CUL5: variants seen among roughly 807,000 people sequenced by gnomAD.
CUL5 encodes the protein cullin 5, also known as cullin-5.
A neutral mutation model predicts 108.8 loss-of-function variants in CUL5; 26 were observed. The ratio of observed to expected loss-of-function variants is 0.24; its 90% confidence interval spans 0.18 to 0.33. The LOEUF (loss-of-function observed/expected upper bound fraction) is 0.33, where lower values mean the gene tolerates loss of function less well. Among genes scored for constraint, CUL5 ranks in the 10% least tolerant of loss-of-function variants. The pLI, the probability that CUL5 is intolerant of heterozygous loss-of-function variation, is 1.00. For synonymous variants in CUL5, 334 were observed against 298.0 expected, an observed-to-expected ratio of 1.12 and a Z score of -1.25; for missense variants, 524 against 909.2, an observed-to-expected ratio of 0.58 and a Z score of 5.45.
chr11:108,067,474 TATGAA>T (rs67606910), intron 7 of CUL5, among the ~76,000 whole-genome samples: 86,687 of 151,394 alleles, frequency 0.57, 26,921 homozygotes, highest in East Asian at 0.9. Flanking sequence ...ACAAAAGTCT[TATGAA>T]ATAATATTCA....
intron 1 of CUL5, among the ~76,000 whole-genome samples, chr11:108,019,500 G>A (rs927313060): frequency 1.3e-5 from 2 of 152,138 alleles, no homozygotes; most frequent in Non-Finnish European, 2.9e-5. Context: ...GTCAACAACG[G>A]ATCACATATA....
intron 1 of CUL5, among the ~76,000 whole-genome samples, chr11:108,029,674 T>C (rs1862530180): frequency 6.6e-6 from 1 of 152,244 alleles, no homozygotes; most frequent in Admixed American, 6.5e-5. Flanking sequence ...TTTTGGAATC[T>C]ATTATAAAAG....
chr11:108,075,735 A>G (rs1026479148), intron 10 of CUL5, among the ~76,000 whole-genome samples: 1 of 152,048 alleles, frequency 6.6e-6, no homozygotes, highest in Non-Finnish European at 1.5e-5. Context: ...GACAACATCT[A>G]GCTATGTTGT....
chr11:108,015,730 A>G (rs1038852911), intron 1 of CUL5, among the ~76,000 whole-genome samples: 21 of 152,360 alleles, frequency 1.4e-4, no homozygotes, highest in African/African-American at 4.6e-4. Flanking sequence ...TTCATGTTCT[A>G]TGAAAATAAA....
At chr11:108,102,837 T>C (rs1272962952) in intron 18 of CUL5, among the ~76,000 whole-genome samples, 1 of 152,156 alleles carries the variant, frequency 6.6e-6, no homozygotes, top group African/African-American at 2.4e-5. Flanking sequence ...AGACAGGGTC[T>C]CAGGCTGTGG....
At chr11:108,041,461 G>A (rs576856835) in intron 2 of CUL5, among the ~76,000 whole-genome samples, 6 of 151,130 alleles carry the variant, frequency 4.0e-5, no homozygotes, top group African/African-American at 1.5e-4. Context: ...ATTTTTGGTA[G>A]AGACGGGGTT....
Position 108,048,648 on chromosome 11 carries a change from C to CTTTTTTTTTT in CUL5, c.235-1215_235-1206dup, listed in dbSNP as rs200991204. Among the ~76,000 whole-genome samples, 67 of 116,848 alleles carry CTTTTTTTTTT rather than the reference C, an allele frequency of 5.7e-4. 6 individuals are homozygous for CTTTTTTTTTT. The highest frequency in any genetic ancestry group is 2.1e-3 in the African/African-American group (54 of 25,840). The allele number at this position is 116,848 out of a possible 152,430, so 76.7% of individuals were successfully genotyped here. A position where few individuals can be genotyped will look rare whatever the true frequency, so the allele number is the denominator to read the frequency against. ...ATAGTGGGGAAATAGACTCCACCAC[C>CTTTTTTTTTT]TTTTTTTTTTTTTTTTTTTTTTTTT... On this transcript the variant is annotated intron_variant, in intron 3 of 18. Coordinates refer to ENST00000393094, the MANE Select transcript of CUL5 (RefSeq NM_003478.6).
chr11:108,062,483 G>T (rs1292422796), intron 7 of CUL5, among the ~76,000 whole-genome samples: 2 of 149,876 alleles, frequency 1.3e-5, no homozygotes, highest in Non-Finnish European at 3.0e-5. Flanking sequence ...TATTTTTTGT[G>T]TGCATTTAAA....
chr11:108,099,979 C>T (rs949931686), intron 18 of CUL5, among the ~76,000 whole-genome samples: 1 of 151,540 alleles, frequency 6.6e-6, no homozygotes, highest in Non-Finnish European at 1.5e-5. Flanking sequence ...CAGGCACATG[C>T]CACGGCACCT....
intron 13 of CUL5, among the ~76,000 whole-genome samples, chr11:108,092,594 C>T (rs1864387191): frequency 6.6e-6 from 1 of 152,078 alleles, no homozygotes; most frequent in African/African-American, 2.4e-5. Flanking sequence ...GAAGCCAATC[C>T]CAAAGACCAT....
intron 2 of CUL5, among the ~76,000 whole-genome samples, chr11:108,035,055 A>T (rs905273963): frequency 3.1e-4 from 47 of 152,136 alleles, no homozygotes; most frequent in African/African-American, 9.9e-4. Flanking sequence ...GTGTACCAGG[A>T]GGGGTGACAG....
chr11:108,046,164 T>A (rs542185702), intron 2 of CUL5, 106 bp from the exon 3 acceptor site: 1 of 657,666 alleles, frequency 1.5e-6, no homozygotes, highest in Non-Finnish European at 2.5e-6. Context: ...CACCATTTAC[T>A]TGGTTCTAAT....
intron 1 of CUL5, among the ~76,000 whole-genome samples, chr11:108,030,870 C>A (rs1862563475): frequency 6.6e-6 from 1 of 152,078 alleles, no homozygotes; most frequent in African/African-American, 2.4e-5. Flanking sequence ...TCAAGAGATT[C>A]CGATCCAGTA....
rs766345643 is a variant in CUL5 at position 108,033,884 on chromosome 11, C to G, written c.107C>G (p.Thr36Arg). The change falls in exon 2 of 19, where the codon ACA (threonine) becomes AGA (arginine). Residue 36 changes from threonine (T) to arginine (R), a missense_variant. Physicochemically the swap from Thr to Arg is moderately conservative, Grantham distance 71. Around this residue, in one of 8 missense-constraint regions of CUL5, gnomAD observed 76 missense variants for 90.8 expected, o/e 0.84. Transcript: ENST00000393094. ...VLKLLRQESV[T>R]KQQWFDLFSD... ...AAGCTTTTACGCCAGGAATCTGTTA[C>G]AAAACAGCAGTGGTTTGATCTGTTT... 3 of 1,612,442 alleles carry G rather than the reference C, an allele frequency of 1.9e-6. No homozygotes were observed. The highest frequency in any genetic ancestry group is 2.5e-6 in the Non-Finnish European group (3 of 1,178,926).
At position 108,009,232 on chromosome 11, in the gene CUL5, A is replaced by C; in HGVS notation, c.-117A>C. 9.1e-7 allele frequency: 1 copy of C among 1,097,034 alleles called. No homozygotes were observed. Among genetic ancestry groups the C allele is most frequent in the South Asian group, 1.4e-5 (1 of 73,886 alleles). The allele number at this position is 1,097,034 out of a possible 1,614,324, so 68.0% of individuals were successfully genotyped here. A position where few individuals can be genotyped will look rare whatever the true frequency, so the allele number is the denominator to read the frequency against. On this transcript the variant is annotated 5_prime_UTR_variant, in exon 1 of 19. Coordinates refer to ENST00000393094, the MANE Select transcript of CUL5 (RefSeq NM_003478.6). The stretch of plus-strand genomic sequence containing the variant: ...GGCGCGCTGCTCCAGCGCCCACCAC[A>C]CCCTGGTGCGGGCCGACGGGCCCTG...
rs1460395812 is a variant in CUL5 at position 108,106,014 on chromosome 11, A to G, written c.*1630A>G. ...GCCAAATGCCTGTTCTGAAACTTAT[A>G]GGAAATTGGAATTTTGTTTAAAATT... On this transcript the variant is annotated 3_prime_UTR_variant, in exon 19 of 19. Coordinates refer to ENST00000393094, the MANE Select transcript of CUL5 (RefSeq NM_003478.6). 1 of 152,170 alleles carries G rather than the reference A, an allele frequency of 6.6e-6. No individual in the cohort carries two copies. Among genetic ancestry groups the G allele is most frequent in the Non-Finnish European group, 1.5e-5 (1 of 68,000 alleles). 9.4% of individuals were successfully genotyped at this position (152,170 alleles called of 1,614,324 possible).
intron 1 of CUL5, among the ~76,000 whole-genome samples, chr11:108,028,944 C>G (rs1426376134): frequency 6.6e-6 from 1 of 152,222 alleles, no homozygotes; most frequent in Non-Finnish European, 1.5e-5. Context: ...CCTACAAGAT[C>G]CAGCTCAGTA....
chr11:108,099,485 G>A (rs1311670986), intron 18 of CUL5, among the ~76,000 whole-genome samples: 1 of 152,146 alleles, frequency 6.6e-6, no homozygotes, highest in African/African-American at 2.4e-5. Flanking sequence ...TTTTTAAAAA[G>A]TACTGTGTAG....
At chr11:108,088,760 T>TA in intron 12 of CUL5, 101 bp downstream of exon 12, 1 of 896,626 alleles carries the variant, frequency 1.1e-6, no homozygotes, top group East Asian at 3.0e-5. Context: ...AAAAATGTAT[T>TA]ATCTGTAAAG....
Sources: allele counts gnomAD v4.1 joint callset (sites outside exome capture counted in the v4.1 genomes callset), GRCh38; gene constraint gnomAD v4.1.1; regional missense constraint gnomAD v4.1.1; transcripts MANE v1.5; gene names NCBI Gene and HGNC (gene_info 2026-07-23, HGNC 2026-07-21).